PCDHGA1: variants seen among roughly 807,000 people sequenced by gnomAD.
PCDHGA1 encodes protocadherin gamma-A1.
In PCDHGA1, 32 loss-of-function variants were observed where a neutral mutation model predicts 58.0. That is an observed-to-expected ratio of 0.55 (90% CI 0.42 to 0.74). PCDHGA1 has a LOEUF of 0.74. PCDHGA1 is among the 30% of genes least tolerant of loss of function. The probability of loss-of-function intolerance (pLI) is 0.00; values close to 1 mark genes in which losing one functional copy is unlikely to be tolerated. For missense variants in PCDHGA1, 1,205 were observed against 1,182.3 expected (o/e 1.02, Z -0.28); for synonymous variants, 498 against 501.1 (o/e 0.99, Z 0.08).
Position 141,334,245 on chromosome 5 carries a change from A to G in PCDHGA1, c.2421+1140A>G, listed in dbSNP as rs750523191. 1 of 152,256 alleles carries G rather than the reference A, an allele frequency of 6.6e-6. No individual in the cohort carries two copies. The highest frequency in any genetic ancestry group is 6.5e-5 in the Admixed American group (1 of 15,288). The allele number at this position is 152,256 out of a possible 1,614,324, so 9.4% of individuals were successfully genotyped here. A position where few individuals can be genotyped will look rare whatever the true frequency, so the allele number is the denominator to read the frequency against. The stretch of plus-strand genomic sequence containing the variant: ...TAGGGACAGAAGTGCTTCAGACTAG[A>G]TAAATATCTGGACCAGGCTTACTGC... On this transcript the variant is annotated intron_variant, in intron 1 of 3. Transcript: ENST00000517417. The surrounding 1 kb of genome is among the most constrained non-coding windows in gnomAD (Gnocchi z 4.6).
chr5:141,362,638 T>C, intron 1 of PCDHGA1: 5 of 1,469,888 alleles, frequency 3.4e-6, no homozygotes, highest in Non-Finnish European at 4.5e-6. Context: ...CGTATTTCTT[T>C]GTCTGTGAGT....
intron 1 of PCDHGA1, chr5:141,392,130 A>T (rs770884253): frequency 6.6e-6 from 1 of 152,238 alleles, no homozygotes; most frequent in African/African-American, 2.4e-5. Context: ...TTGTAAAATG[A>T]TTAAGTAGTT....
intron 1 of PCDHGA1, among the ~76,000 whole-genome samples, chr5:141,420,686 C>T (rs781004859): frequency 1.3e-4 from 20 of 152,258 alleles, no homozygotes; most frequent in Admixed American, 4.6e-4. Context: ...TTATCGGGAC[C>T]GTATTATTTC....
At position 141,386,158 on chromosome 5, in the gene PCDHGA1, A is replaced by G. The variant is rs530436705; in HGVS notation, c.2421+53053A>G. ...TGGCTTTGTTTCAACTGTCTCACGTACTCAAACCTTAGACCATCTTATGTA... is the reference window on the plus strand; with the variant it reads ...TGGCTTTGTTTCAACTGTCTCACGTGCTCAAACCTTAGACCATCTTATGTA... On this transcript the variant is annotated intron_variant, in intron 1 of 3. Coordinates refer to ENST00000517417, the MANE Select transcript of PCDHGA1 (RefSeq NM_018912.3). Among the ~76,000 whole-genome samples, 24 of 152,284 alleles carry G rather than the reference A, an allele frequency of 1.6e-4. No individual in the cohort carries two copies. In the East Asian group the frequency reaches 4.6e-3, roughly 29 times the overall value.
chr5:141,404,083 G>A (rs761560113), intron 1 of PCDHGA1: 7 of 1,613,736 alleles, frequency 4.3e-6, no homozygotes, highest in Admixed American at 3.3e-5. Context: ...GAGACTCCGG[G>A]AAGAATGGTC....
At chr5:141,376,407 A>G (rs1352753803) in intron 1 of PCDHGA1, 2 of 1,614,198 alleles carry the variant, frequency 1.2e-6, no homozygotes, top group Non-Finnish European at 1.7e-6. Flanking sequence ...CAGCCCAACT[A>G]TGCCGACACG....
intron 1 of PCDHGA1, chr5:141,344,756 G>A (rs1188842802): frequency 1.9e-6 from 3 of 1,613,948 alleles, no homozygotes; most frequent in Non-Finnish European, 2.5e-6. Context: ...ACCCACCAAT[G>A]TTTACTCAGC....
intron 1 of PCDHGA1, chr5:141,355,018 A>G: frequency 1.1e-6 from 1 of 878,880 alleles, no homozygotes; most frequent in Non-Finnish European, 1.6e-6. Flanking sequence ...CAGAAATTTA[A>G]TCAGAATCAC....
At chr5:141,422,617 G>T (rs758903894) in intron 1 of PCDHGA1, 3 of 1,613,524 alleles carry the variant, frequency 1.9e-6, no homozygotes, top group Non-Finnish European at 2.5e-6. Context: ...CTACATTCCC[G>T]AAAACAACCC....
chr5:141,344,254 T>G (rs1229823738), intron 1 of PCDHGA1: 1 of 1,614,000 alleles, frequency 6.2e-7, no homozygotes, highest in Admixed American at 1.7e-5. Context: ...AGGACGCAGC[T>G]TTTCTCTCTG....
chr5:141,352,927 G>A (rs1759145126), intron 1 of PCDHGA1, among the ~76,000 whole-genome samples: 1 of 152,218 alleles, frequency 6.6e-6, no homozygotes, highest in African/African-American at 2.4e-5. Flanking sequence ...GGTGGAGATT[G>A]TAGTGAGCCA....
At chr5:141,365,650 G>T in intron 1 of PCDHGA1, 1 of 1,613,414 alleles carries the variant, frequency 6.2e-7, no homozygotes, top group South Asian at 1.1e-5. Context: ...ACATCCCCTT[G>T]AAAGTAGCAG....
chr5:141,471,972 T>C (rs952480654), intron 1 of PCDHGA1, among the ~76,000 whole-genome samples: 1 of 152,212 alleles, frequency 6.6e-6, no homozygotes, highest in South Asian at 2.1e-4. Context: ...GTTGCATTAC[T>C]GTATAAATTT....
Position 141,486,740 on chromosome 5 carries a change from T to G in PCDHGA1, c.2422-8067T>G. Reference sequence around the variant, plus strand: ...AGGAGCTGTTCATGCTACTCGATCCTTTGACTATGAGCAAACCCAGACACT... The same window carrying G: ...AGGAGCTGTTCATGCTACTCGATCCGTTGACTATGAGCAAACCCAGACACT... On this transcript the variant is annotated intron_variant, in intron 1 of 3. Transcript: ENST00000517417. This position sits in a 1 kb window ranked among gnomAD's most constrained non-coding sequence, Gnocchi z 5.0. 6.2e-7 allele frequency: 1 copy of G among 1,614,234 alleles called. No individual in the cohort carries two copies. The highest frequency in any genetic ancestry group is 8.5e-7 in the Non-Finnish European group (1 of 1,180,046).
chr5:141,351,804 C>T lies in PCDHGA1; in HGVS notation c.2421+18699C>T, dbSNP rs752529043. 4 of 1,613,328 alleles carry T rather than the reference C, an allele frequency of 2.5e-6. No individual in the cohort carries two copies. In the South Asian group the frequency reaches 3.3e-5, roughly 13 times the overall value. On this transcript the variant is annotated intron_variant, in intron 1 of 3. Transcript: ENST00000517417. Reference sequence around the variant, plus strand: ...AGCGGGGTGGTGTTCGCGCAGCGCGCCTTCGACCACGAGCAGCTGCGCGCC... The same window carrying T: ...AGCGGGGTGGTGTTCGCGCAGCGCGTCTTCGACCACGAGCAGCTGCGCGCC...
rs376837521 is a variant in PCDHGA1 at position 141,332,632 on chromosome 5, G to A, written c.1948G>A (p.Gly650Ser). Reference protein sequence around the residue: ...QSLVVAVQDHGQPPLSATVTL... With the variant: ...QSLVVAVQDHSQPPLSATVTL... The stretch of plus-strand genomic sequence containing the variant: ...TCTCGTGGTGGCCGTCCAGGACCAC[G>A]GCCAGCCCCCGCTCTCCGCCACTGT... The change falls in exon 1 of 4, where the codon GGC (glycine) becomes AGC (serine). Residue 650 changes from glycine (G) to serine (S), a missense_variant. By Grantham distance (56) the Gly-to-Ser change is moderately conservative. Transcript: ENST00000517417. The surrounding 1 kb of genome is among the most constrained non-coding windows in gnomAD (Gnocchi z 4.6). 8 of 1,612,852 alleles carry A rather than the reference G, an allele frequency of 5.0e-6. No homozygotes were observed. In the Admixed American group the frequency reaches 5.0e-5, roughly 10 times the overall value.
intron 1 of PCDHGA1, among the ~76,000 whole-genome samples, chr5:141,381,826 C>CTTCTTTTTT (rs1777532522): frequency 2.2e-4 from 16 of 74,296 alleles, no homozygotes; most frequent in African/African-American, 9.3e-4. Context: ...CTTTCTTCTT[C>CTTCTTTTTT]TTTTTTTTTT....
Position 141,414,170 on chromosome 5 carries a change from T to C in PCDHGA1, c.2422-80637T>C, listed in dbSNP as rs1411353386. The C allele has an allele frequency of 6.2e-7, 1 of 1,606,208 alleles. No homozygotes were observed. The highest frequency in any genetic ancestry group is 1.7e-5 in the Admixed American group (1 of 58,580). The stretch of plus-strand genomic sequence containing the variant: ...CAAGCAGAAGATGGAGGAGCATATC[T>C]TGCAACTGCAAAAGTGTTGATTACA... On this transcript the variant is annotated intron_variant, in intron 1 of 3. Coordinates refer to ENST00000517417, the MANE Select transcript of PCDHGA1 (RefSeq NM_018912.3).
At chr5:141,498,973 GA>G (rs1161965842) in intron 2 of PCDHGA1, among the ~76,000 whole-genome samples, 8 of 11,660 alleles carry the variant, frequency 6.9e-4, no homozygotes, top group Admixed American at 4.8e-3. Flanking sequence ...GGGAGGGAGG[GA>G]AGGAAGGAAG....
Sources: allele counts gnomAD v4.1 joint callset (sites outside exome capture counted in the v4.1 genomes callset), GRCh38; gene constraint gnomAD v4.1.1; non-coding constraint Gnocchi (gnomAD v3.1); transcripts MANE v1.5; gene names NCBI Gene and HGNC (gene_info 2026-07-23, HGNC 2026-07-21).